Variants in SLC22A23 observed in about 807,000 individuals in gnomAD.
SLC22A23 encodes the protein solute carrier family 22 member 23.
In SLC22A23, 26 loss-of-function variants were observed where a neutral mutation model predicts 61.0. The observed-to-expected ratio is 0.43, with a 90% CI of 0.31 to 0.59. SLC22A23 has a LOEUF of 0.59. SLC22A23 is among the 20% of genes least tolerant of loss of function. The probability of loss-of-function intolerance (pLI) is 0.11; values close to 1 mark genes in which losing one functional copy is unlikely to be tolerated. For missense variants in SLC22A23, 796 were observed against 934.7 expected (o/e 0.85, Z 1.94); for synonymous variants, 430 against 413.9 (o/e 1.04, Z -0.47).
chr6:3,448,581 C>G (rs967737060), intron 1 of SLC22A23, among the ~76,000 whole-genome samples: 2 of 152,088 alleles, frequency 1.3e-5, no homozygotes, highest in African/African-American at 4.8e-5. Context: ...GCAAGCTCCG[C>G]CTCCCGAGTT....
intron 9 of SLC22A23, among the ~76,000 whole-genome samples, chr6:3,281,654 G>A (rs969618495): frequency 6.6e-6 from 1 of 152,146 alleles, no homozygotes; most frequent in Non-Finnish European, 1.5e-5. Flanking sequence ...TCTCTGTGAA[G>A]TGGGGGGATG....
At chr6:3,290,989 C>T (rs1468509880) in intron 5 of SLC22A23, 1 of 152,336 alleles carries the variant, frequency 6.6e-6, no homozygotes, top group Non-Finnish European at 1.5e-5. Context: ...AGACGCAGTC[C>T]TGGGCGGCAT....
At chr6:3,307,331 G>A (rs9405628) in intron 4 of SLC22A23, among the ~76,000 whole-genome samples, 95,593 of 152,040 alleles carry the variant, frequency 0.63, 33,115 homozygotes, top group East Asian at 0.77. Context: ...TGGAGGTCTC[G>A]TCTGAAGGTG....
intron 5 of SLC22A23, among the ~76,000 whole-genome samples, chr6:3,292,986 A>G (rs112043609): frequency 0.034 from 5,206 of 152,274 alleles, 332 homozygotes; most frequent in African/African-American, 0.12. Context: ...CGGCCTCTCC[A>G]CATTTGGCCA....
intron 6 of SLC22A23, among the ~76,000 whole-genome samples, chr6:3,289,424 CCT>C (rs1332273637): frequency 6.6e-6 from 1 of 152,242 alleles, no homozygotes; most frequent in Non-Finnish European, 1.5e-5. Flanking sequence ...TCTCAAATCC[CCT>C]GTCCTGAGAC....
chr6:3,315,863 C>T (rs1033490808), intron 4 of SLC22A23, among the ~76,000 whole-genome samples: 1 of 144,812 alleles, frequency 6.9e-6, no homozygotes, highest in Non-Finnish European at 1.5e-5. Flanking sequence ...GAATCCGTCT[C>T]AAAAAAAAAA....
intron 5 of SLC22A23, among the ~76,000 whole-genome samples, chr6:3,293,417 C>T (rs1181014433): frequency 3.3e-5 from 5 of 152,356 alleles, no homozygotes; most frequent in East Asian, 1.9e-4. Flanking sequence ...CTCACCCCTC[C>T]GGGACGGATT....
At chr6:3,293,974 C>T (rs1341318141) in intron 5 of SLC22A23, among the ~76,000 whole-genome samples, 1 of 152,130 alleles carries the variant, frequency 6.6e-6, no homozygotes, top group Non-Finnish European at 1.5e-5. Context: ...TGTGGGGCTG[C>T]CCGGAGAGGA....
Position 3,330,824 on chromosome 6 carries a change from G to A in SLC22A23, c.914-6822C>T, listed in dbSNP as rs1385547049. Among the ~76,000 whole-genome samples the A allele has an allele frequency of 6.6e-6, 1 of 152,190 alleles. No individual in the cohort carries two copies. Among genetic ancestry groups the A allele is most frequent in the East Asian group, 1.9e-4 (1 of 5,196 alleles). ...CTGAAAGAGTAGTTTTCTCCATTTA[G>A]AGAAAGGGAAAATTTTAAAAAACAG... On this transcript the variant is annotated intron_variant, in intron 3 of 9. Transcript: ENST00000406686. The surrounding 1 kb of genome is among the most constrained non-coding windows in gnomAD (Gnocchi z 4.7).
chr6:3,405,356 CAGG>C (rs759581458), intron 3 of SLC22A23, among the ~76,000 whole-genome samples: 9 of 152,154 alleles, frequency 5.9e-5, no homozygotes, highest in Non-Finnish European at 1.3e-4. Context: ...TTGGTCCCAC[CAGG>C]AGAAGGGCTT....
intron 1 of SLC22A23, among the ~76,000 whole-genome samples, chr6:3,425,618 A>T (rs1295881543): frequency 6.6e-6 from 1 of 152,184 alleles, no homozygotes; most frequent in Non-Finnish European, 1.5e-5. Context: ...AATCTATGAC[A>T]TTAAATTAAG....
chr6:3,390,813 T>C lies in SLC22A23; in HGVS notation c.913+19375A>G, dbSNP rs1162814819. Among the ~76,000 whole-genome samples the C allele has an allele frequency of 6.6e-6, 1 of 152,152 alleles. No homozygotes were observed. Among genetic ancestry groups the C allele is most frequent in the East Asian group, 1.9e-4 (1 of 5,178 alleles). ...TCTCAGGCCCTACAGGCTTCAATAA[T>C]ATGCTGCCTATCTGCCAAACCACTG... is the stretch of plus-strand genomic sequence containing the variant. On this transcript the variant is annotated intron_variant, in intron 3 of 9. Coordinates refer to ENST00000406686, the MANE Select transcript of SLC22A23 (RefSeq NM_015482.2). This position sits in a 1 kb window ranked among gnomAD's most constrained non-coding sequence, Gnocchi z 4.0.
intron 5 of SLC22A23, among the ~76,000 whole-genome samples, chr6:3,295,522 T>C (rs1305915972): frequency 6.6e-6 from 1 of 152,116 alleles, no homozygotes; most frequent in Non-Finnish European, 1.5e-5. Flanking sequence ...AGATCATGTG[T>C]GACCTGGTGG....
At chr6:3,436,591 G>C (rs1209056615) in intron 1 of SLC22A23, among the ~76,000 whole-genome samples, 1 of 152,094 alleles carries the variant, frequency 6.6e-6, no homozygotes, top group Non-Finnish European at 1.5e-5. Context: ...CCGTTACAGG[G>C]CGCACATCCC....
chr6:3,434,262 G>A (rs1581884224), intron 1 of SLC22A23, among the ~76,000 whole-genome samples: 2 of 152,224 alleles, frequency 1.3e-5, no homozygotes, highest in South Asian at 4.1e-4. Context: ...GCAGTGAGCT[G>A]AGATCACGCC....
intron 6 of SLC22A23, among the ~76,000 whole-genome samples, chr6:3,287,834 C>T (rs895741111): frequency 2.6e-5 from 4 of 152,086 alleles, no homozygotes; most frequent in Non-Finnish European, 1.5e-5. Flanking sequence ...CAGGCACCTG[C>T]CACCATGCCC....
chr6:3,365,633 A>C (rs1765759821), intron 3 of SLC22A23, among the ~76,000 whole-genome samples: 1 of 152,106 alleles, frequency 6.6e-6, no homozygotes, highest in Non-Finnish European at 1.5e-5. Context: ...AGCAAATTAG[A>C]CCTATAACTC....
intron 3 of SLC22A23, among the ~76,000 whole-genome samples, chr6:3,401,634 G>C (rs1421437293): frequency 6.6e-6 from 1 of 152,130 alleles, no homozygotes; most frequent in Non-Finnish European, 1.5e-5. Flanking sequence ...TGCATCACTT[G>C]ACTCTGCTGT....
At position 3,273,139 on chromosome 6, in the gene SLC22A23, C is replaced by T. The variant is rs1368825545; in HGVS notation, c.1977G>A (p.Lys659=). Reference sequence around the variant, plus strand: ...CGGCATCGTGGAGGCCCGAGTAGTCCTTGAGCTCGGCGTTGGTGAGCAGCA... The same window carrying T: ...CGGCATCGTGGAGGCCCGAGTAGTCTTTGAGCTCGGCGTTGGTGAGCAGCA... ...QPLLLTNAEL[K]DYSGLHDAAA... is the part of the protein sequence containing the mutation. Residue 659 remains lysine, a synonymous_variant, in exon 10 of 10, where the codon AAG becomes AAA. Coordinates refer to ENST00000406686, the MANE Select transcript of SLC22A23 (RefSeq NM_015482.2). 5.6e-6 allele frequency: 9 copies of T among 1,610,380 alleles called. No individual in the cohort carries two copies. The highest frequency in any genetic ancestry group is 1.7e-5 in the Admixed American group (1 of 59,970).
Sources: gnomAD v4.1 joint callset for allele counts (sites outside exome capture counted in the v4.1 genomes callset) on GRCh38, gnomAD v4.1.1 for gene constraint, Gnocchi (gnomAD v3.1) non-coding constraint, MANE v1.5 for transcripts, NCBI Gene and HGNC (gene_info 2026-07-23, HGNC 2026-07-21) for gene names.